Variants in CASK observed in about 807,000 individuals in gnomAD.
CASK encodes the protein calcium/calmodulin dependent serine protein kinase.
CASK carries 4 observed loss-of-function variants against 82.9 expected under a neutral mutation model. That is an observed-to-expected ratio of 0.05 (90% CI 0.02 to 0.11). The LOEUF (loss-of-function observed/expected upper bound fraction) is 0.11, where lower values mean the gene tolerates loss of function less well. Among genes scored for constraint, CASK ranks in the 10% least tolerant of loss-of-function variants. CASK has a pLI of 1.00. For missense variants in CASK, 358 were observed against 720.9 expected, an observed-to-expected ratio of 0.50 and a Z score of 5.76; for synonymous variants, 259 against 253.5, an observed-to-expected ratio of 1.02 and a Z score of -0.20.
In CASK at chrX:41,709,761, C is replaced by T. The variant is rs373666353; in HGVS notation, c.429+29623G>A. On this transcript the variant is annotated intron_variant, in intron 5 of 26. Coordinates refer to ENST00000378163, the MANE Select transcript of CASK (RefSeq NM_001367721.1). ...AAACCTGTGACTTTCATGCTTGGGGCGCTTAAGAGAAAATGAATACAGACA... is the reference window on the plus strand; with the variant it reads ...AAACCTGTGACTTTCATGCTTGGGGTGCTTAAGAGAAAATGAATACAGACA... Among the ~76,000 whole-genome samples the T allele has an allele frequency of 7.2e-5, 8 of 111,137 alleles. No homozygotes were observed. The South Asian group carries it at 1.1e-3, about 16-fold the overall frequency.
intron 1 of CASK, among the ~76,000 whole-genome samples, chrX:41,878,177 A>C (rs931824806): frequency 4.4e-4 from 49 of 110,748 alleles, no homozygotes; most frequent in Admixed American, 3.2e-3. Flanking sequence ...AAAAAAAAAA[A>C]AACAGAAAAT....
intron 8 of CASK, among the ~76,000 whole-genome samples, chrX:41,641,043 T>C (rs1383240873): frequency 3.1e-5 from 3 of 97,944 alleles, no homozygotes; most frequent in African/African-American, 7.5e-5. Flanking sequence ...TGGAGTGCAG[T>C]AGCATGATCT....
At chrX:41,522,280 GC>G in intron 26 of CASK, 1 of 112,040 alleles carries the variant, frequency 8.9e-6, no homozygotes. Flanking sequence ...CAGTGGGCAT[GC>G]GCAGACACCA....
intron 3 of CASK, among the ~76,000 whole-genome samples, chrX:41,777,085 G>T (rs1400956973): frequency 8.9e-6 from 1 of 111,905 alleles, no homozygotes; most frequent in Admixed American, 9.5e-5. Flanking sequence ...TAAATAGTGC[G>T]AGTTTGTTCA....
At chrX:41,733,585 A>G (rs192894863) in intron 5 of CASK, among the ~76,000 whole-genome samples, 26 of 108,422 alleles carry the variant, frequency 2.4e-4, no homozygotes, top group African/African-American at 8.1e-4. Flanking sequence ...CGTCTCTACT[A>G]AAAATACAAA....
chrX:41,554,018 A>G, intron 20 of CASK, 103 bp from the exon 21 acceptor site: 1 of 610,925 alleles, frequency 1.6e-6, no homozygotes, highest in Non-Finnish European at 2.7e-6. Flanking sequence ...CAAACAGGAC[A>G]TCAGATGGTG....
At chrX:41,885,444 A>G (rs1451238781) in intron 1 of CASK, among the ~76,000 whole-genome samples, 2 of 112,243 alleles carry the variant, frequency 1.8e-5, no homozygotes, top group African/African-American at 6.5e-5. Context: ...ACTTTGGGCA[A>G]GTTGCATTTT....
At chrX:41,698,345 G>A (rs2067730094) in intron 5 of CASK, among the ~76,000 whole-genome samples, 1 of 111,539 alleles carries the variant, frequency 9.0e-6, no homozygotes, top group Non-Finnish European at 1.9e-5. Context: ...ATTAAAAGGA[G>A]CAAACTCTGC....
intron 12 of CASK, among the ~76,000 whole-genome samples, chrX:41,607,076 T>C (rs2065974352): frequency 8.9e-6 from 1 of 112,891 alleles, no homozygotes; most frequent in African/African-American, 3.2e-5. Context: ...ACAGGGCAGA[T>C]GCCAATAAGG....
intron 2 of CASK, among the ~76,000 whole-genome samples, chrX:41,831,254 G>C (rs2070805100): frequency 8.9e-6 from 1 of 111,769 alleles, no homozygotes; most frequent in Non-Finnish European, 1.9e-5. Context: ...AACAGCTTCA[G>C]ATGTGGGAAA....
At chrX:41,556,877 A>G (rs761599409) in intron 19 of CASK, among the ~76,000 whole-genome samples, 155 bp downstream of exon 19, 1 of 112,115 alleles carries the variant, frequency 8.9e-6, no homozygotes, top group South Asian at 3.7e-4. Context: ...AAATGTTGAA[A>G]AAGATTTTCC....
intron 2 of CASK, among the ~76,000 whole-genome samples, chrX:41,816,604 T>G (rs1245230171): frequency 9.2e-6 from 1 of 108,521 alleles, no homozygotes; most frequent in Non-Finnish European, 1.9e-5. Flanking sequence ...TTGATAAACC[T>G]CTAGCCAGGC....
chrX:41,787,261 G>A lies in CASK; in HGVS notation c.195C>T (p.Ile65=), dbSNP rs769320891. The A allele has an allele frequency of 8.5e-6, 10 of 1,175,611 alleles. No individual in the cohort carries two copies. The highest frequency in any genetic ancestry group is 2.3e-4 in the Middle Eastern group (1 of 4,261). The change falls in exon 3 of 27, where the codon ATC becomes ATT. Residue 65 remains isoleucine, a synonymous_variant. Coordinates refer to ENST00000378163, the MANE Select transcript of CASK (RefSeq NM_001367721.1). ...TGTGTGGATGTTTCAGCATATGACA[G>A]ATACTGGCTTCCCGCTTTAGATCTG... The part of the protein sequence containing the change: ...STEDLKREAS[I]CHMLKHPHIV...
chrX:41,873,306 A>AGAG (rs1244218552), intron 1 of CASK, among the ~76,000 whole-genome samples: 3 of 105,517 alleles, frequency 2.8e-5, no homozygotes, highest in Non-Finnish European at 5.8e-5. Context: ...AAAAAAAAAA[A>AGAG]AGAGAGAGAG....
intron 3 of CASK, among the ~76,000 whole-genome samples, chrX:41,783,231 T>C (rs1468607729): frequency 8.9e-6 from 1 of 112,095 alleles, no homozygotes; most frequent in Admixed American, 9.5e-5. Flanking sequence ...ATTTCTTGAA[T>C]AAAGAATAAA....
At chrX:41,530,627 G>A (rs540377866) in intron 25 of CASK, among the ~76,000 whole-genome samples, 6 of 112,298 alleles carry the variant, frequency 5.3e-5, no homozygotes, top group Admixed American at 4.7e-4. Context: ...AGGCTCTGAT[G>A]GTCCAGCGTG....
At chrX:41,884,265 A>G (rs1293114705) in intron 1 of CASK, among the ~76,000 whole-genome samples, 1 of 112,202 alleles carries the variant, frequency 8.9e-6, no homozygotes, top group Non-Finnish European at 1.9e-5. Context: ...TACTAAAGTT[A>G]TCCTATTCTT....
chrX:41,726,134 A>G (rs767444207), intron 5 of CASK, among the ~76,000 whole-genome samples: 1 of 112,104 alleles, frequency 8.9e-6, no homozygotes, highest in African/African-American at 3.2e-5. Context: ...TTTTTTATAG[A>G]GACAGGGTCT....
At chrX:41,761,778 G>A (rs894268377) in intron 3 of CASK, among the ~76,000 whole-genome samples, 3 of 111,999 alleles carry the variant, frequency 2.7e-5, no homozygotes, top group African/African-American at 9.7e-5. Context: ...ATAACATCAT[G>A]AGCAATTTGC....
Sources: allele counts gnomAD v4.1 joint callset (sites outside exome capture counted in the v4.1 genomes callset), GRCh38; gene constraint gnomAD v4.1.1; transcripts MANE v1.5; gene names NCBI Gene and HGNC (gene_info 2026-07-23, HGNC 2026-07-21).